The following CNTN4 variants were observed in gnomAD, a reference collection of about 807,000 sequenced individuals.
The protein encoded by CNTN4 is contactin-4.
Under a neutral mutation model 122.5 loss-of-function variants are expected in CNTN4, and 77 were observed. The ratio of observed to expected loss-of-function variants is 0.63; its 90% CI spans 0.52 to 0.76. The LOEUF is 0.76. CNTN4 is among the 30% of genes least tolerant of loss of function. The probability of loss-of-function intolerance (pLI) is 0.00; values close to 1 mark genes in which losing one functional copy is unlikely to be tolerated. For missense variants in CNTN4, 1,256 were observed against 1,259.1 expected (o/e 1.00, Z 0.04); for synonymous variants, 512 against 447.0 (o/e 1.15, Z -1.83).
At chr3:3,039,144 G>A (rs1320794001) in intron 19 of CNTN4, 141 bp downstream of exon 19, 26 of 742,776 alleles carry the variant, frequency 3.5e-5, no homozygotes, top group East Asian at 2.2e-4. Context: ...TCCCTCTCAC[G>A]TAGCTAATGG....
intron 6 of CNTN4, among the ~76,000 whole-genome samples, chr3:2,799,789 T>C (rs2092302031): frequency 6.6e-6 from 1 of 152,180 alleles, no homozygotes. Context: ...GCCTTTCACA[T>C]AGCTCGAGTT....
chr3:2,364,097 G>T (rs562791390), intron 3 of CNTN4, among the ~76,000 whole-genome samples: 157 of 152,130 alleles, frequency 1.0e-3, no homozygotes, highest in African/African-American at 3.6e-3. Flanking sequence ...ACCTTGTCTA[G>T]TTGGGGGCTT....
chr3:2,787,085 T>G (rs116790689), intron 6 of CNTN4, among the ~76,000 whole-genome samples: 1,863 of 152,248 alleles, frequency 0.012, 14 homozygotes, highest in Non-Finnish European at 0.017. Context: ...GAAGGTATTT[T>G]AAGAAAATCG....
chr3:2,959,219 C>G (rs1264453217), intron 13 of CNTN4, among the ~76,000 whole-genome samples: 1 of 152,076 alleles, frequency 6.6e-6, no homozygotes, highest in East Asian at 1.9e-4. Flanking sequence ...AGAATATAGT[C>G]CTGCAAAGTC....
chr3:3,056,615 A>T lies in CNTN4; in HGVS notation c.*395A>T, dbSNP rs1312897457. ...AATCATGCAATTATAATTTGAAAATATTTCCTTTAAAGACAGAGTTTGAAA... is the reference window on the plus strand; with the variant it reads ...AATCATGCAATTATAATTTGAAAATTTTTCCTTTAAAGACAGAGTTTGAAA... On this transcript the variant is annotated 3_prime_UTR_variant, in exon 25 of 25. Transcript: ENST00000418658. 1 of 157,110 alleles carries T rather than the reference A, an allele frequency of 6.4e-6. No homozygotes were observed. The highest frequency in any genetic ancestry group is 2.4e-5 in the African/African-American group (1 of 41,500). 9.7% of individuals were successfully genotyped at this position (157,110 alleles called of 1,614,324 possible). A position where few individuals can be genotyped will look rare whatever the true frequency, so the allele number is the denominator to read the frequency against.
chr3:2,912,132 A>G (rs1196902112), intron 12 of CNTN4, among the ~76,000 whole-genome samples: 2 of 152,192 alleles, frequency 1.3e-5, no homozygotes, highest in Admixed American at 1.3e-4. Flanking sequence ...ACACTGAGAC[A>G]CATTATAATC....
chr3:2,361,105 T>C (rs1341168270), intron 3 of CNTN4, among the ~76,000 whole-genome samples: 1 of 152,186 alleles, frequency 6.6e-6, no homozygotes, highest in Admixed American at 6.5e-5. Flanking sequence ...TAAATTGTAT[T>C]AGACAATACA....
At chr3:2,833,438 T>A (rs1034677101) in intron 7 of CNTN4, among the ~76,000 whole-genome samples, 5 of 138,698 alleles carry the variant, frequency 3.6e-5, no homozygotes, top group Non-Finnish European at 7.5e-5. Context: ...GGTAGTAAAG[T>A]TCCAACCCAT....
chr3:2,169,413 CT>C (rs1158183839), intron 2 of CNTN4, among the ~76,000 whole-genome samples: 24 of 148,288 alleles, frequency 1.6e-4, no homozygotes, highest in South Asian at 2.1e-4. Flanking sequence ...ATAAAATAAA[CT>C]TTTTTTTTTT....
chr3:2,133,080 A>G (rs2034527071), intron 2 of CNTN4, among the ~76,000 whole-genome samples: 1 of 152,178 alleles, frequency 6.6e-6, no homozygotes, highest in African/African-American at 2.4e-5. Context: ...AGGACACCAG[A>G]GCAATCAGTA....
At chr3:3,048,482 C>T (rs1338617060) in intron 23 of CNTN4, among the ~76,000 whole-genome samples, 2 of 150,942 alleles carry the variant, frequency 1.3e-5, no homozygotes, top group Non-Finnish European at 2.9e-5. Context: ...ACCAAGGTAC[C>T]AATGAATAAC....
rs1260924264 is a variant in CNTN4, at chr3:2,491,721, T to C, written c.-88-79695T>C. 2.0e-5 allele frequency among the ~76,000 whole-genome samples: 3 copies of C among 152,214 alleles called. No individual in the cohort carries two copies. In the East Asian group the frequency reaches 5.8e-4, roughly 29 times the overall value. On this transcript the variant is annotated intron_variant, in intron 3 of 24. Coordinates refer to ENST00000418658, the MANE Select transcript of CNTN4 (RefSeq NM_175607.3). ...TTATAGTTTTCATATTTATGGCCTT[T>C]GATATTCAGTATGGTAGAAATGCCC...
rs183245749 is a variant in CNTN4 at position 2,938,427 on chromosome 3, C to A, written c.1358+12648C>A. On this transcript the variant is annotated intron_variant, in intron 13 of 24. Coordinates refer to ENST00000418658, the MANE Select transcript of CNTN4 (RefSeq NM_175607.3). ...ATCAGTCCTATTATTGGGACTCCATCTTTCAGATAAGGAAACCAAGGCTGG... is the reference window on the plus strand; with the variant it reads ...ATCAGTCCTATTATTGGGACTCCATATTTCAGATAAGGAAACCAAGGCTGG... Among the ~76,000 whole-genome samples, 14 of 152,210 alleles carry A rather than the reference C, an allele frequency of 9.2e-5. No homozygotes were observed. The East Asian group carries it at 2.7e-3, about 29-fold the overall frequency.
intron 2 of CNTN4, among the ~76,000 whole-genome samples, chr3:2,337,062 A>G (rs999363056): frequency 6.6e-6 from 1 of 152,124 alleles, no homozygotes; most frequent in Admixed American, 6.6e-5. Context: ...ATTCTTTACA[A>G]AGGAGATATT....
intron 4 of CNTN4, among the ~76,000 whole-genome samples, chr3:2,575,539 A>G (rs892061082): frequency 6.6e-6 from 1 of 152,064 alleles, no homozygotes; most frequent in Non-Finnish European, 1.5e-5. Flanking sequence ...AAGAAATGAT[A>G]CCGCATACAC....
chr3:2,819,640 T>C (rs2092818603), intron 7 of CNTN4, 59 bp downstream of exon 7: 8 of 1,241,998 alleles, frequency 6.4e-6, no homozygotes, highest in Middle Eastern at 1.9e-4. Flanking sequence ...TCTTCCTCAA[T>C]GTTCTCCCTC....
chr3:2,840,276 TAGAG>T lies in CNTN4; in HGVS notation c.454+20703_454+20706del, dbSNP rs1314569052. On this transcript the variant is annotated intron_variant, in intron 7 of 24. Transcript: ENST00000418658. ...AGTTAACCCAAGATAAAGTTCTCCA[TAGAG>T]AGAGAGAATTTTAACCCGTTACCCA... is the stretch of plus-strand genomic sequence containing the variant. 1.2e-4 allele frequency among the ~76,000 whole-genome samples: 19 copies of T among 152,184 alleles called. No individual in the cohort carries two copies. In the South Asian group the frequency reaches 4.0e-3, roughly 32 times the overall value.
intron 2 of CNTN4, among the ~76,000 whole-genome samples, chr3:2,137,377 G>T (rs545475634): frequency 6.6e-6 from 1 of 152,220 alleles, no homozygotes; most frequent in Non-Finnish European, 1.5e-5. Flanking sequence ...TGCAGAAAAA[G>T]GGAATGTGTG....
intron 2 of CNTN4, among the ~76,000 whole-genome samples, chr3:2,296,887 G>T (rs1414295922): frequency 6.6e-6 from 1 of 151,566 alleles, no homozygotes; most frequent in Non-Finnish European, 1.5e-5. Context: ...GATCTTCAAT[G>T]TAGTATTCTA....
Sources: gnomAD v4.1 joint callset for allele counts (sites outside exome capture counted in the v4.1 genomes callset) on GRCh38, gnomAD v4.1.1 for gene constraint, MANE v1.5 for transcripts, NCBI Gene and HGNC (gene_info 2026-07-23, HGNC 2026-07-21) for gene names.